Variants in TAOK3 observed in about 807,000 individuals in gnomAD.
The protein encoded by TAOK3 is serine/threonine-protein kinase TAO3.
In TAOK3, 40 loss-of-function variants were observed where a neutral mutation model predicts 120.4. The ratio of observed to expected loss-of-function variants is 0.33; its 90% CI spans 0.26 to 0.43. The LOEUF (loss-of-function observed/expected upper bound fraction) is 0.43, where lower values mean the gene tolerates loss of function less well. Among genes scored for constraint, TAOK3 ranks in the 20% least tolerant of loss-of-function variants. The pLI, the probability that TAOK3 is intolerant of heterozygous loss-of-function variation, is 1.00. For synonymous variants in TAOK3, 355 were observed against 387.5 expected (o/e 0.92, Z 0.99); for missense variants, 821 against 1,112.1 (o/e 0.74, Z 3.72).
chr12:118,181,285 C>A, intron 15 of TAOK3, 86 bp downstream of exon 15: 1 of 1,151,090 alleles, frequency 8.7e-7, no homozygotes, highest in Non-Finnish European at 1.3e-6. Flanking sequence ...CTCCATCCCC[C>A]ACTCCTGCCT....
intron 1 of TAOK3, among the ~76,000 whole-genome samples, chr12:118,278,182 C>G (rs1011888359): frequency 1.3e-5 from 2 of 151,860 alleles, no homozygotes; most frequent in Non-Finnish European, 2.9e-5. Flanking sequence ...GGTACATGTG[C>G]AGGTTTGTTA....
At chr12:118,308,669 C>A (rs1352914638) in intron 1 of TAOK3, among the ~76,000 whole-genome samples, 1 of 152,064 alleles carries the variant, frequency 6.6e-6, no homozygotes, top group Non-Finnish European at 1.5e-5. Flanking sequence ...GTGGCTCACA[C>A]CTGTAATGGC....
intron 11 of TAOK3, among the ~76,000 whole-genome samples, chr12:118,206,077 AAAAGGC>A (rs2038292005): frequency 6.6e-6 from 1 of 152,212 alleles, no homozygotes; most frequent in Admixed American, 6.5e-5. Context: ...TTCTAGAATA[AAAAGGC>A]AAGACACATG....
In TAOK3 at chr12:118,371,766, G is replaced by A. The variant is rs2045902412; in HGVS notation, c.-194+882C>T. ...CACGCCGGGCCCCCGCTATGTGACT[G>A]GGGGCCCGACCCGCACCCATGGGGC... On this transcript the variant is annotated intron_variant, in intron 1 of 20. Coordinates refer to ENST00000392533, the MANE Select transcript of TAOK3 (RefSeq NM_016281.4). The surrounding 1 kb of genome is among the most constrained non-coding windows in gnomAD (Gnocchi z 5.5). Among the ~76,000 whole-genome samples the A allele has an allele frequency of 1.3e-5, 2 of 152,012 alleles. No homozygotes were observed. Among genetic ancestry groups the A allele is most frequent in the South Asian group, 4.1e-4 (2 of 4,826 alleles).
chr12:118,198,178 C>G (rs1000626175), intron 13 of TAOK3, among the ~76,000 whole-genome samples: 88 of 152,194 alleles, frequency 5.8e-4, no homozygotes, highest in African/African-American at 2.0e-3. Context: ...ATGGCCTTCC[C>G]CTTTTCCTTG....
intron 1 of TAOK3, among the ~76,000 whole-genome samples, chr12:118,347,706 T>A (rs1396076487): frequency 2.0e-5 from 3 of 152,212 alleles, no homozygotes; most frequent in African/African-American, 7.2e-5. Context: ...GCTTCCCCTC[T>A]CTACCCTGCA....
intron 1 of TAOK3, among the ~76,000 whole-genome samples, chr12:118,341,681 T>C (rs2044625944): frequency 6.6e-6 from 1 of 151,448 alleles, no homozygotes; most frequent in Admixed American, 6.6e-5. Context: ...TCACAAGTTT[T>C]AATATTATTT....
At chr12:118,305,966 TGGAGAGGTTAGTCTTCTTCTGTCATA>T (rs1423786103) in intron 1 of TAOK3, among the ~76,000 whole-genome samples, 1 of 152,076 alleles carries the variant, frequency 6.6e-6, no homozygotes, top group Non-Finnish European at 1.5e-5. Context: ...TCTGCTGCTT[TGGAGAGGTTAGTCTTCTTCTGTCATA>T]GGATAGAAAT....
At chr12:118,152,137 T>C in intron 20 of TAOK3, 90 bp downstream of exon 20, 6 of 1,271,972 alleles carry the variant, frequency 4.7e-6, no homozygotes, top group Non-Finnish European at 6.6e-6. Flanking sequence ...CAGTTTAATC[T>C]CTAACTAAGG....
Position 118,269,406 on chromosome 12 carries a change from TGA to T in TAOK3, c.-193-2649_-193-2648del, listed in dbSNP as rs1442055673. Among the ~76,000 whole-genome samples, 20 of 127,204 alleles carry T rather than the reference TGA, an allele frequency of 1.6e-4. No homozygotes were observed. In the South Asian group the frequency reaches 2.7e-3, roughly 17 times the overall value. The allele number at this position is 127,204 out of a possible 152,430, so 83.5% of individuals were successfully genotyped here. The stretch of plus-strand genomic sequence containing the variant: ...TTCTTTTTTTTTTTTTTTTTTTTTT[TGA>T]GACTCAGGCTGGAGTGCAGTGATGC... On this transcript the variant is annotated intron_variant, in intron 1 of 20. Transcript: ENST00000392533.
intron 1 of TAOK3, among the ~76,000 whole-genome samples, chr12:118,301,914 C>G (rs1384952174): frequency 6.6e-6 from 1 of 151,410 alleles, no homozygotes; most frequent in Non-Finnish European, 1.5e-5. Context: ...GTAAGAAAGG[C>G]TGGGGGTTAT....
chr12:118,357,024 G>A (rs943884796), intron 1 of TAOK3, among the ~76,000 whole-genome samples: 2 of 152,174 alleles, frequency 1.3e-5, no homozygotes, highest in African/African-American at 4.8e-5. Context: ...AGTGACCCGA[G>A]CAACTTGCAT....
intron 1 of TAOK3, among the ~76,000 whole-genome samples, chr12:118,270,759 C>T (rs983909354): frequency 2.0e-4 from 30 of 151,250 alleles, no homozygotes; most frequent in Admixed American, 1.9e-3. Flanking sequence ...ACTGCAAGCT[C>T]CGCCTCCCGG....
chr12:118,308,931 CAAAAAAAAAAAA>C (rs60574584), intron 1 of TAOK3, among the ~76,000 whole-genome samples: 3 of 30,058 alleles, frequency 1.0e-4, no homozygotes, highest in South Asian at 1.7e-3. Flanking sequence ...ACTCTGTCTC[CAAAAAAAAAAAA>C]AAAAAAAAAA....
intron 1 of TAOK3, among the ~76,000 whole-genome samples, chr12:118,352,757 C>A (rs1469385246): frequency 6.6e-6 from 1 of 152,140 alleles, no homozygotes; most frequent in African/African-American, 2.4e-5. Flanking sequence ...GTTGCCCAGG[C>A]TGAAGTGCTG....
chr12:118,347,456 G>C (rs1031424925), intron 1 of TAOK3, among the ~76,000 whole-genome samples: 2 of 152,126 alleles, frequency 1.3e-5, no homozygotes, highest in African/African-American at 4.8e-5. Flanking sequence ...TTATTGAGGG[G>C]AGGAGGGGGA....
chr12:118,368,267 G>C (rs2045796695), intron 1 of TAOK3, among the ~76,000 whole-genome samples: 1 of 152,076 alleles, frequency 6.6e-6, no homozygotes, highest in Admixed American at 6.5e-5. Context: ...CGCTATTTTG[G>C]ATCACTGCAA....
At chr12:118,262,403 A>G (rs1408332489) in intron 2 of TAOK3, among the ~76,000 whole-genome samples, 2 of 151,932 alleles carry the variant, frequency 1.3e-5, no homozygotes, top group Non-Finnish European at 2.9e-5. Flanking sequence ...AACTGCTTGA[A>G]CCTGGGAGGT....
At chr12:118,177,355 G>T in intron 15 of TAOK3, 26 bp from the exon 16 acceptor site, 1 of 1,610,168 alleles carries the variant, frequency 6.2e-7, no homozygotes. Context: ...ATACAATGTA[G>T]GATGAATCTA....
Sources: allele counts gnomAD v4.1 joint callset (sites outside exome capture counted in the v4.1 genomes callset), GRCh38; gene constraint gnomAD v4.1.1; non-coding constraint Gnocchi (gnomAD v3.1); transcripts MANE v1.5; gene names NCBI Gene and HGNC (gene_info 2026-07-23, HGNC 2026-07-21).